Variants in SLC47A1 observed in about 807,000 individuals in gnomAD.
SLC47A1 encodes the protein solute carrier family 47 member 1.
A neutral mutation model predicts 65.8 loss-of-function variants in SLC47A1; 58 were observed. The observed-to-expected ratio is 0.88, with a 90% CI of 0.71 to 1.10. The LOEUF is 1.10. Among genes scored for constraint, SLC47A1 ranks in the 50% least tolerant of loss-of-function variants. The pLI, the probability that SLC47A1 is intolerant of heterozygous loss-of-function variation, is 0.00. For missense variants in SLC47A1, 706 were observed against 719.2 expected (o/e 0.98, Z 0.21); for synonymous variants, 285 against 295.0 (o/e 0.97, Z 0.35).
At chr17:19,554,066 G>T (rs1353540015) in intron 6 of SLC47A1, among the ~76,000 whole-genome samples, 1 of 152,212 alleles carries the variant, frequency 6.6e-6, no homozygotes, top group Non-Finnish European at 1.5e-5. Flanking sequence ...AGGCCAGTGG[G>T]TTTGCAGTTG....
rs376441180 is a variant in SLC47A1, at chr17:19,555,708, G to A, written c.739+18G>A. 2 of 1,613,766 alleles carry A rather than the reference G, an allele frequency of 1.2e-6. No homozygotes were observed. The highest frequency in any genetic ancestry group is 2.7e-5 in the African/African-American group (2 of 74,916). On this transcript the variant is annotated intron_variant, in intron 8 of 16. Transcript: ENST00000270570. ...ATGGGGAGGTAATGACTGCCCTTTT[G>A]TCTTCCAACTGGGATGTGGGTTTTG...
chr17:19,553,075 A>C (rs575799186), intron 6 of SLC47A1, among the ~76,000 whole-genome samples: 3 of 152,034 alleles, frequency 2.0e-5, no homozygotes, highest in East Asian at 1.9e-4. Context: ...CCCAGGGTGG[A>C]AGGAGTTTCT....
chr17:19,575,083 T>TTTTCTCTC (rs201609811), intron 16 of SLC47A1, among the ~76,000 whole-genome samples: 2 of 125,846 alleles, frequency 1.6e-5, no homozygotes, highest in Non-Finnish European at 3.6e-5. Flanking sequence ...CTCCCTCCCT[T>TTTTCTCTC]TTTCTCTCTT....
intron 10 of SLC47A1, chr17:19,557,765 A>G (rs1916659976): frequency 2.6e-6 from 1 of 390,902 alleles, no homozygotes; most frequent in African/African-American, 2.1e-5. Flanking sequence ...CAGTGCACCA[A>G]ATCGAAGAAA....
At chr17:19,539,642 A>C (rs1027909970) in intron 1 of SLC47A1, among the ~76,000 whole-genome samples, 1 of 151,944 alleles carries the variant, frequency 6.6e-6, no homozygotes, top group Admixed American at 6.6e-5. Flanking sequence ...GCACCACTGC[A>C]CCCAGCTAAT....
chr17:19,552,746 A>G (rs1916487394), intron 6 of SLC47A1, among the ~76,000 whole-genome samples: 1 of 152,170 alleles, frequency 6.6e-6, no homozygotes, highest in South Asian at 2.1e-4. Context: ...AGGGGATCCT[A>G]GACAGAGGTG....
chr17:19,554,084 T>C (rs2453569), intron 6 of SLC47A1, among the ~76,000 whole-genome samples: 109,082 of 152,046 alleles, frequency 0.72, 39,666 homozygotes, highest in East Asian at 1. Flanking sequence ...TTGTGTTTAT[T>C]GGCCTGTCGC....
chr17:19,566,639 G>A, intron 12 of SLC47A1, 151 bp from the exon 13 acceptor site: 2 of 629,362 alleles, frequency 3.2e-6, no homozygotes, highest in Non-Finnish European at 5.6e-6. Context: ...TGGCCAGGCT[G>A]GTCTCAAACT....
In SLC47A1 at chr17:19,560,287, C is replaced by A. The variant is rs781071109; in HGVS notation, c.1021C>A (p.Leu341Met). 1 of 1,613,576 alleles carries A rather than the reference C, an allele frequency of 6.2e-7. No individual in the cohort carries two copies. The highest frequency in any genetic ancestry group is 1.1e-5 in the South Asian group (1 of 91,010). The change falls in exon 11 of 17, where the codon CTG becomes ATG. Residue 341 changes from leucine to methionine, a missense_variant. Coordinates refer to ENST00000270570, the MANE Select transcript of SLC47A1 (RefSeq NM_018242.3). Reference protein sequence around the residue: ...QARKSSTVSLLITVLFAVAFS... With the variant: ...QARKSSTVSLMITVLFAVAFS... Reference sequence around the variant, plus strand: ...ACGGAAGTCCTCTACCGTTTCCCTGCTGATTACAGGTGCTGAGACCCCTTT... The same window carrying A: ...ACGGAAGTCCTCTACCGTTTCCCTGATGATTACAGGTGCTGAGACCCCTTT...
In SLC47A1 at chr17:19,566,845, T is replaced by C. The variant is rs2084361821; in HGVS notation, c.1162T>C (p.Phe388Leu). Residue 388 changes from phenylalanine (F) to leucine (L), a missense_variant, in exon 13 of 17, where the codon TTT becomes CTT. Phe to Leu is a conservative substitution (Grantham distance 22). Coordinates refer to ENST00000270570, the MANE Select transcript of SLC47A1 (RefSeq NM_018242.3). ...TCCAATTTATGCTGTTTCCCACCTC[T>C]TTGAAGCTCTTGCTGTAAGTATTAT... ...VVPIYAVSHL[F>L]EALACTSGGV... 1 of 1,614,102 alleles carries C rather than the reference T, an allele frequency of 6.2e-7. No individual in the cohort carries two copies. The highest frequency in any genetic ancestry group is 8.5e-7 in the Non-Finnish European group (1 of 1,180,044).
chr17:19,541,134 C>T (rs1238186370), intron 1 of SLC47A1, among the ~76,000 whole-genome samples: 1 of 152,160 alleles, frequency 6.6e-6, no homozygotes, highest in East Asian at 1.9e-4. Flanking sequence ...AGGGACCTTT[C>T]TGTGGGCTCA....
rs1049027633 is a variant in SLC47A1, at chr17:19,548,231, A to C, written c.455+98A>C. 15 of 1,450,688 alleles carry C rather than the reference A, an allele frequency of 1.0e-5. No individual in the cohort carries two copies. In the African/African-American group the frequency reaches 1.9e-4, roughly 19 times the overall value. 89.9% of individuals were successfully genotyped at this position (1,450,688 alleles called of 1,614,324 possible). A position where few individuals can be genotyped will look rare whatever the true frequency, so the allele number is the denominator to read the frequency against. ...GGGCCAGGGACAAGGCTGCACACCAAGGTGGTGCTCATCTCTCCTTGGCTG... is the reference window on the plus strand; with the variant it reads ...GGGCCAGGGACAAGGCTGCACACCACGGTGGTGCTCATCTCTCCTTGGCTG... On this transcript the variant is annotated intron_variant, in intron 4 of 16. Coordinates refer to ENST00000270570, the MANE Select transcript of SLC47A1 (RefSeq NM_018242.3).
chr17:19,555,138 G>A, intron 6 of SLC47A1, 74 bp from the exon 7 acceptor site: 1 of 1,372,870 alleles, frequency 7.3e-7, no homozygotes, highest in Admixed American at 1.7e-5. Flanking sequence ...GCTGGAGCCT[G>A]TGTGTGCTTG....
chr17:19,571,896 G>A (rs966395433), intron 15 of SLC47A1, among the ~76,000 whole-genome samples: 2 of 152,166 alleles, frequency 1.3e-5, no homozygotes, highest in African/African-American at 4.8e-5. Flanking sequence ...TCATCCTGAT[G>A]TTGTTTTTAT....
rs1048410662 is a variant in SLC47A1, at chr17:19,534,267, G to C, written c.135+193G>C. 44 of 661,344 alleles carry C rather than the reference G, an allele frequency of 6.7e-5. No individual in the cohort carries two copies. The South Asian group carries it at 1.2e-3, about 17-fold the overall frequency. 41.0% of individuals were successfully genotyped at this position (661,344 alleles called of 1,614,324 possible). ...CTGCGTCCCGGCCGCTTTCCGCTCC[G>C]CACCACCCGACTGGGGGCCCCGCGG... On this transcript the variant is annotated intron_variant, in intron 1 of 16. Coordinates refer to ENST00000270570, the MANE Select transcript of SLC47A1 (RefSeq NM_018242.3).
intron 1 of SLC47A1, among the ~76,000 whole-genome samples, chr17:19,537,209 G>A (rs1916010665): frequency 6.6e-6 from 1 of 152,252 alleles, no homozygotes; most frequent in South Asian, 2.1e-4. Flanking sequence ...TTCCACTTGT[G>A]TGGGAAGGAG....
At chr17:19,541,345 G>A (rs1169078210) in intron 1 of SLC47A1, among the ~76,000 whole-genome samples, 1 of 152,218 alleles carries the variant, frequency 6.6e-6, no homozygotes, top group Non-Finnish European at 1.5e-5. Context: ...TTTGGGCCGT[G>A]TAGCCTGCCA....
chr17:19,537,567 C>G (rs114533286), intron 1 of SLC47A1, among the ~76,000 whole-genome samples: 5 of 152,362 alleles, frequency 3.3e-5, no homozygotes, highest in East Asian at 3.9e-4. Flanking sequence ...CCGGCCCCCA[C>G]GCCTCTACTC....
At chr17:19,550,973 C>A (rs1319649490) in intron 5 of SLC47A1, among the ~76,000 whole-genome samples, 1 of 152,190 alleles carries the variant, frequency 6.6e-6, no homozygotes, top group Non-Finnish European at 1.5e-5. Context: ...ACTAGGGCTT[C>A]AACATACGGA....
Sources: gnomAD v4.1 joint callset for allele counts (sites outside exome capture counted in the v4.1 genomes callset) on GRCh38, gnomAD v4.1.1 for gene constraint, MANE v1.5 for transcripts, NCBI Gene and HGNC (gene_info 2026-07-23, HGNC 2026-07-21) for gene names.